The following CLASP2 variants were observed in gnomAD, a reference collection of about 807,000 sequenced individuals.
CLASP2 encodes the protein CLIP-associating protein 2.
Under a neutral mutation model 194.4 loss-of-function variants are expected in CLASP2, and 47 were observed. The observed-to-expected ratio is 0.24, with a 90% CI of 0.19 to 0.31. The LOEUF is 0.31. CLASP2 is among the 10% of genes least tolerant of loss of function. The pLI, the probability that CLASP2 is intolerant of heterozygous loss-of-function variation, is 1.00. For synonymous variants in CLASP2, 619 were observed against 633.5 expected (o/e 0.98, Z 0.34); for missense variants, 1,445 against 1,823.6 (o/e 0.79, Z 3.78).
chr3:33,645,240 C>T (rs1459581492), intron 7 of CLASP2: 1 of 765,088 alleles, frequency 1.3e-6, no homozygotes, highest in Non-Finnish European at 2.4e-6. Flanking sequence ...TATCTTCTAG[C>T]ACGCCCTGCC....
intron 7 of CLASP2, among the ~76,000 whole-genome samples, chr3:33,650,358 C>T (rs575446794): frequency 6.6e-6 from 1 of 152,178 alleles, no homozygotes; most frequent in Non-Finnish European, 1.5e-5. Context: ...AAGAATTAAA[C>T]ACAAAAAGCA....
In CLASP2 at chr3:33,543,422, C is replaced by T. The variant is rs111691218; in HGVS notation, c.3404+11G>A. ...AATACAAACCATCATGAAAAATCAT[C>T]CTTTTATTACCTTGGAGATAAAGTA... On this transcript the variant is annotated intron_variant, in intron 32 of 38. Coordinates refer to ENST00000682230, the MANE Select transcript of CLASP2 (RefSeq NM_001365631.1). The T allele has an allele frequency of 2.1e-6, 3 of 1,454,910 alleles. No individual in the cohort carries two copies. The highest frequency in any genetic ancestry group is 1.9e-6 in the Non-Finnish European group (2 of 1,035,710). The allele number at this position is 1,454,910 out of a possible 1,614,324, so 90.1% of individuals were successfully genotyped here.
chr3:33,596,804 C>A, intron 18 of CLASP2, 70 bp from the exon 19 acceptor site: 2 of 1,241,114 alleles, frequency 1.6e-6, no homozygotes, highest in Non-Finnish European at 1.1e-6. Context: ...TTTATAATTC[C>A]TAGAAAACAT....
chr3:33,555,078 T>C (rs934383018), intron 29 of CLASP2, among the ~76,000 whole-genome samples: 1 of 152,202 alleles, frequency 6.6e-6, no homozygotes, highest in Non-Finnish European at 1.5e-5. Context: ...GTGAATTTTA[T>C]GTATTCTTAC....
intron 27 of CLASP2, among the ~76,000 whole-genome samples, chr3:33,565,118 G>A (rs2154184355): frequency 6.6e-6 from 1 of 152,120 alleles, no homozygotes; most frequent in African/African-American, 2.4e-5. Context: ...GATCTTTATG[G>A]TGATCCATTC....
At chr3:33,521,599 T>C (rs1575805163) in intron 34 of CLASP2, among the ~76,000 whole-genome samples, 1 of 152,196 alleles carries the variant, frequency 6.6e-6, no homozygotes, top group Non-Finnish European at 1.5e-5. Flanking sequence ...GACTGAACAC[T>C]GGAGGAGAAG....
chr3:33,628,572 G>A (rs2078468084), intron 9 of CLASP2, among the ~76,000 whole-genome samples: 1 of 151,988 alleles, frequency 6.6e-6, no homozygotes, highest in Admixed American at 6.6e-5. Flanking sequence ...ATTAAGTAAT[G>A]GTTTACACAC....
chr3:33,516,286 T>G (rs1368778253), intron 35 of CLASP2, 135 bp from the exon 36 acceptor site: 2 of 597,036 alleles, frequency 3.3e-6, no homozygotes, highest in Non-Finnish European at 5.1e-6. Flanking sequence ...CGGTATACTA[T>G]GTAATTAAGT....
chr3:33,609,841 C>T (rs944003347), intron 13 of CLASP2, among the ~76,000 whole-genome samples: 5 of 152,144 alleles, frequency 3.3e-5, no homozygotes, highest in South Asian at 2.1e-4. Flanking sequence ...GGAATTAATT[C>T]GTACCCTTTC....
chr3:33,649,089 C>T (rs1043382562), intron 7 of CLASP2, among the ~76,000 whole-genome samples: 2 of 147,980 alleles, frequency 1.4e-5, no homozygotes, highest in African/African-American at 4.9e-5. Context: ...CCAGCCTAGC[C>T]TCCCTTCTAT....
At position 33,612,091 on chromosome 3, in the gene CLASP2, A is replaced by G; in HGVS notation, c.1318-20T>C. 1 of 1,502,416 alleles carries G rather than the reference A, an allele frequency of 6.7e-7. No individual in the cohort carries two copies. Among genetic ancestry groups the G allele is most frequent in the Non-Finnish European group, 9.2e-7 (1 of 1,083,968 alleles). The allele number at this position is 1,502,416 out of a possible 1,614,324, so 93.1% of individuals were successfully genotyped here. On this transcript the variant is annotated intron_variant, in intron 12 of 38. Transcript: ENST00000682230. ...AGTATGCTGAAAAAGATGTTTTAGA[A>G]AAGGTTGAAAATACTACACACTTCA...
At chr3:33,668,727 T>A (rs2086630067) in intron 6 of CLASP2, among the ~76,000 whole-genome samples, 1 of 152,166 alleles carries the variant, frequency 6.6e-6, no homozygotes, top group Non-Finnish European at 1.5e-5. Flanking sequence ...CCCAGAGTCC[T>A]CCACTGCCTA....
At chr3:33,524,481 C>G (rs556716992) in intron 34 of CLASP2, among the ~76,000 whole-genome samples, 1 of 152,072 alleles carries the variant, frequency 6.6e-6, no homozygotes, top group Non-Finnish European at 1.5e-5. Context: ...GAAACCCCAT[C>G]TCTACTAAAA....
At chr3:33,555,604 G>C (rs2060788065) in intron 29 of CLASP2, among the ~76,000 whole-genome samples, 2 of 152,140 alleles carry the variant, frequency 1.3e-5, no homozygotes, top group African/African-American at 4.8e-5. Context: ...CTGGGCTCTG[G>C]TGATCTGCCC....
At chr3:33,559,444 A>G (rs1576428657) in intron 28 of CLASP2, 59 bp from the exon 29 acceptor site, 1 of 918,448 alleles carries the variant, frequency 1.1e-6, no homozygotes. Flanking sequence ...CGCATGTAAC[A>G]GCAAAAGACT....
chr3:33,516,227 A>C, intron 35 of CLASP2, 76 bp from the exon 36 acceptor site: 3 of 1,397,794 alleles, frequency 2.1e-6, no homozygotes, highest in Non-Finnish European at 2.9e-6. Flanking sequence ...TTTGTAACTT[A>C]AGGGTCTTAA....
At chr3:33,556,055 A>AT (rs2060863885) in intron 29 of CLASP2, among the ~76,000 whole-genome samples, 1 of 152,228 alleles carries the variant, frequency 6.6e-6, no homozygotes, top group African/African-American at 2.4e-5. Context: ...AGGATGTGAA[A>AT]TTCTTTAATT....
At chr3:33,697,514 G>C (rs1367468119) in intron 1 of CLASP2, among the ~76,000 whole-genome samples, 1 of 152,192 alleles carries the variant, frequency 6.6e-6, no homozygotes, top group Non-Finnish European at 1.5e-5. Context: ...GAATTTTTCA[G>C]CTTTATTATA....
Position 33,553,306 on chromosome 3 carries a change from T to C in CLASP2, c.3010-1911A>G, listed in dbSNP as rs140373174. Among the ~76,000 whole-genome samples the C allele has an allele frequency of 3.1e-3, 475 of 152,282 alleles. 3 individuals carry two copies. Among genetic ancestry groups the C allele is most frequent in the Non-Finnish European group, 5.5e-3 (374 of 68,006 alleles). On this transcript the variant is annotated intron_variant, in intron 29 of 38. Transcript: ENST00000682230. ...CTTTCATAATGAATTTTAAGAAGTA[T>C]TTATAATTTTACACAGTCAACAAAA...
Sources: gnomAD v4.1 joint callset for allele counts (sites outside exome capture counted in the v4.1 genomes callset) on GRCh38, gnomAD v4.1.1 for gene constraint, MANE v1.5 for transcripts, NCBI Gene and HGNC (gene_info 2026-07-23, HGNC 2026-07-21) for gene names.